The following AIG1 variants were observed in gnomAD, a reference collection of about 807,000 sequenced individuals.
The protein encoded by AIG1 is androgen induced 1, also known as androgen-induced gene 1 protein.
AIG1 carries 23 observed loss-of-function variants against 31.4 expected under a neutral mutation model. That is an observed-to-expected ratio of 0.73 (90% CI 0.53 to 1.04). The LOEUF (loss-of-function observed/expected upper bound fraction) is 1.04, where lower values mean the gene tolerates loss of function less well. Ranked by LOEUF, AIG1 falls within the 50% of genes least tolerant of loss-of-function variation. The pLI, the probability that AIG1 is intolerant of heterozygous loss-of-function variation, is 0.00. For synonymous variants in AIG1, 100 were observed against 110.5 expected, an observed-to-expected ratio of 0.90 and a Z score of 0.60; for missense variants, 274 against 295.0, an observed-to-expected ratio of 0.93 and a Z score of 0.52.
intron 3 of AIG1, among the ~76,000 whole-genome samples, chr6:143,251,569 A>G (rs1795015662): frequency 6.6e-6 from 1 of 152,166 alleles, no homozygotes; most frequent in Admixed American, 6.5e-5. Context: ...ACTGGGCTGT[A>G]AGCTCTGGGA....
chr6:143,182,192 AT>A (rs1788793063), intron 3 of AIG1, among the ~76,000 whole-genome samples: 1 of 151,994 alleles, frequency 6.6e-6, no homozygotes, highest in Admixed American at 6.5e-5. Context: ...TGCATGGCTA[AT>A]TTTTAATGTT....
intron 1 of AIG1, among the ~76,000 whole-genome samples, chr6:143,082,878 A>G (rs1778400169): frequency 1.3e-5 from 2 of 152,214 alleles, no homozygotes; most frequent in East Asian, 1.9e-4. Flanking sequence ...GTTAGGCCCT[A>G]CTTTAGGACC....
intron 3 of AIG1, among the ~76,000 whole-genome samples, chr6:143,234,036 C>T (rs1327601425): frequency 6.6e-6 from 1 of 152,180 alleles, no homozygotes. Context: ...AAGCCAGCTC[C>T]GTTGCCTCTC....
rs1290538337 is a variant in AIG1 at position 143,279,760 on chromosome 6, C to A, written c.400-4350C>A. 6.6e-6 allele frequency among the ~76,000 whole-genome samples: 1 copy of A among 152,110 alleles called. No homozygotes were observed. Among genetic ancestry groups the A allele is most frequent in the Non-Finnish European group, 1.5e-5 (1 of 68,016 alleles). ...AATAAATCAGGATAGATTTAGGCTTCGTTTTTTGGACACAATCTTCCAAAT... is the reference window on the plus strand; with the variant it reads ...AATAAATCAGGATAGATTTAGGCTTAGTTTTTTGGACACAATCTTCCAAAT... On this transcript the variant is annotated intron_variant, in intron 3 of 5. Transcript: ENST00000357847. The surrounding 1 kb of genome is among the most constrained non-coding windows in gnomAD (Gnocchi z 5.4).
chr6:143,092,984 A>G (rs988907308), intron 1 of AIG1, among the ~76,000 whole-genome samples: 2 of 152,150 alleles, frequency 1.3e-5, no homozygotes, highest in Non-Finnish European at 2.9e-5. Flanking sequence ...CAGGAATTCA[A>G]GGCTGCAGTG....
intron 2 of AIG1, among the ~76,000 whole-genome samples, chr6:143,157,126 C>T (rs995306405): frequency 1.3e-5 from 2 of 152,168 alleles, no homozygotes; most frequent in African/African-American, 4.8e-5. Flanking sequence ...AAATGATTAT[C>T]TCAATGTGAA....
At chr6:143,063,104 A>T (rs1776396289) in intron 1 of AIG1, among the ~76,000 whole-genome samples, 1 of 152,228 alleles carries the variant, frequency 6.6e-6, no homozygotes, top group African/African-American at 2.4e-5. Flanking sequence ...GCATTGAAAA[A>T]CAAGGCTCAG....
chr6:143,230,057 G>A (rs17445591), intron 3 of AIG1, among the ~76,000 whole-genome samples: 12,276 of 152,096 alleles, frequency 0.081, 488 homozygotes, highest in South Asian at 0.1. Flanking sequence ...ACCCTCAAAC[G>A]TGGAGATTGG....
At chr6:143,109,778 G>T (rs1781112443) in intron 1 of AIG1, among the ~76,000 whole-genome samples, 1 of 151,984 alleles carries the variant, frequency 6.6e-6, no homozygotes, top group African/African-American at 2.4e-5. Flanking sequence ...AAAAAAATTT[G>T]TTCATTTTCA....
At chr6:143,156,267 T>A (rs918003829) in intron 2 of AIG1, among the ~76,000 whole-genome samples, 2 of 152,238 alleles carry the variant, frequency 1.3e-5, no homozygotes, top group Non-Finnish European at 2.9e-5. Context: ...TATCCGTTAG[T>A]GAGTACTTGA....
intron 3 of AIG1, among the ~76,000 whole-genome samples, chr6:143,193,699 C>T (rs1330854177): frequency 6.6e-6 from 1 of 152,178 alleles, no homozygotes; most frequent in East Asian, 1.9e-4. Flanking sequence ...AGAGATTTGT[C>T]TCTTGTATTT....
chr6:143,294,266 C>T (rs992891511), intron 4 of AIG1, among the ~76,000 whole-genome samples: 2 of 152,200 alleles, frequency 1.3e-5, no homozygotes, highest in African/African-American at 4.8e-5. Context: ...CAACATTGCT[C>T]TTCTTGGACC....
Position 143,327,476 on chromosome 6 carries a change from A to G in AIG1, c.516-5806A>G, listed in dbSNP as rs543369232. 7.6e-6 allele frequency: 3 copies of G among 397,182 alleles called. No homozygotes were observed. The highest frequency in any genetic ancestry group is 7.3e-5 in the East Asian group (1 of 13,636). 24.6% of individuals were successfully genotyped at this position (397,182 alleles called of 1,614,324 possible). ...AACTCCAGATTTGCGCATTGATACC[A>G]GGCCCAACAAAACTGTCTGGGCCAA... On this transcript the variant is annotated intron_variant, in intron 4 of 5. Coordinates refer to ENST00000357847, the MANE Select transcript of AIG1 (RefSeq NM_016108.4). This position sits in a 1 kb window ranked among gnomAD's most constrained non-coding sequence, Gnocchi z 5.3.
At chr6:143,252,046 T>C (rs1795046650) in intron 3 of AIG1, among the ~76,000 whole-genome samples, 1 of 152,228 alleles carries the variant, frequency 6.6e-6, no homozygotes. Context: ...TTTATGTGAG[T>C]ACCATCCATT....
intron 2 of AIG1, among the ~76,000 whole-genome samples, chr6:143,139,377 C>T (rs1471975902): frequency 1.3e-5 from 2 of 149,388 alleles, no homozygotes; most frequent in African/African-American, 4.9e-5. Flanking sequence ...GGCTCTCTGA[C>T]AGCCCAGCCA....
intron 2 of AIG1, among the ~76,000 whole-genome samples, chr6:143,144,237 A>G (rs890528030): frequency 6.6e-6 from 1 of 152,176 alleles, no homozygotes; most frequent in Non-Finnish European, 1.5e-5. Context: ...TTATATGTAG[A>G]CTGTTCAAAG....
At chr6:143,183,876 T>G (rs2128588611) in intron 3 of AIG1, among the ~76,000 whole-genome samples, 1 of 152,346 alleles carries the variant, frequency 6.6e-6, no homozygotes, top group Admixed American at 6.5e-5. Flanking sequence ...GCTTCCTTCT[T>G]CACTGCCACA....
intron 1 of AIG1, among the ~76,000 whole-genome samples, chr6:143,112,201 A>G (rs1296882085): frequency 2.0e-5 from 3 of 152,002 alleles, no homozygotes; most frequent in African/African-American, 4.8e-5. Context: ...AGTTCCTTCC[A>G]TCACTCTGTG....
At chr6:143,236,130 G>A (rs1187269554) in intron 3 of AIG1, among the ~76,000 whole-genome samples, 2 of 152,200 alleles carry the variant, frequency 1.3e-5, no homozygotes, top group African/African-American at 2.4e-5. Context: ...ATTTGACCAG[G>A]ATATCTGGTT....
Sources: gnomAD v4.1 joint callset for allele counts (sites outside exome capture counted in the v4.1 genomes callset) on GRCh38, gnomAD v4.1.1 for gene constraint, Gnocchi (gnomAD v3.1) non-coding constraint, MANE v1.5 for transcripts, NCBI Gene and HGNC (gene_info 2026-07-23, HGNC 2026-07-21) for gene names.